NCAM2: variants seen among roughly 807,000 people sequenced by gnomAD.
NCAM2 encodes the protein N-CAM-2.
In NCAM2, 30 loss-of-function variants were observed where a neutral mutation model predicts 98.1. The observed-to-expected ratio is 0.31, with a 90% CI of 0.23 to 0.41. The LOEUF is 0.41. Among genes scored for constraint, NCAM2 ranks in the 10% least tolerant of loss-of-function variants. The pLI, the probability that NCAM2 is intolerant of heterozygous loss-of-function variation, is 1.00. For synonymous variants in NCAM2, 368 were observed against 342.4 expected, an observed-to-expected ratio of 1.07 and a Z score of -0.83; for missense variants, 867 against 1,005.8, an observed-to-expected ratio of 0.86 and a Z score of 1.87.
intron 15 of NCAM2, among the ~76,000 whole-genome samples, chr21:21,480,192 C>G (rs948855914): frequency 3.3e-5 from 5 of 151,858 alleles, no homozygotes; most frequent in African/African-American, 1.2e-4. Context: ...CAGTGAAACC[C>G]CATCTCTACT....
chr21:21,033,816 T>G (rs1404365225), intron 1 of NCAM2, among the ~76,000 whole-genome samples: 1 of 152,096 alleles, frequency 6.6e-6, no homozygotes, highest in Non-Finnish European at 1.5e-5. Flanking sequence ...AAATATAGAT[T>G]TTTCTCTATA....
intron 1 of NCAM2, among the ~76,000 whole-genome samples, chr21:21,074,539 T>A (rs1445890000): frequency 1.3e-5 from 2 of 152,272 alleles, no homozygotes; most frequent in African/African-American, 2.4e-5. Flanking sequence ...TGGAAAGGGA[T>A]CTCCTCTGAC....
At chr21:21,169,726 A>G (rs941145901) in intron 1 of NCAM2, among the ~76,000 whole-genome samples, 2 of 152,178 alleles carry the variant, frequency 1.3e-5, no homozygotes, top group Non-Finnish European at 2.9e-5. Context: ...AGACTGGAGG[A>G]TAACTGGAGC....
intron 8 of NCAM2, among the ~76,000 whole-genome samples, chr21:21,360,754 C>G (rs531839795): frequency 1.9e-4 from 29 of 151,928 alleles, no homozygotes; most frequent in African/African-American, 6.7e-4. Context: ...TCCTCTTTCT[C>G]CACATGCAGT....
intron 1 of NCAM2, among the ~76,000 whole-genome samples, chr21:21,029,494 C>T (rs1176656715): frequency 3.3e-5 from 5 of 151,904 alleles, no homozygotes; most frequent in African/African-American, 4.9e-5. Context: ...AATTTAGGAG[C>T]AGGAGAACTT....
At chr21:21,146,975 C>A in intron 1 of NCAM2, 2 of 628,286 alleles carry the variant, frequency 3.2e-6, no homozygotes, top group Non-Finnish European at 4.0e-6. Context: ...TACTCCGGAA[C>A]TCAGACCGCT....
intron 1 of NCAM2, among the ~76,000 whole-genome samples, chr21:21,019,459 T>G (rs1028888387): frequency 2.6e-5 from 4 of 152,172 alleles, no homozygotes; most frequent in Non-Finnish European, 4.4e-5. Context: ...ATCCACTTGC[T>G]GGATGTGAGG....
At chr21:21,299,130 T>C (rs555655250) in intron 5 of NCAM2, among the ~76,000 whole-genome samples, 1 of 151,848 alleles carries the variant, frequency 6.6e-6, no homozygotes, top group East Asian at 2.0e-4. Flanking sequence ...CCATCTGACA[T>C]TGTGGAGATG....
chr21:21,454,215 C>T (rs1981778094), intron 12 of NCAM2, among the ~76,000 whole-genome samples: 1 of 151,654 alleles, frequency 6.6e-6, no homozygotes, highest in South Asian at 2.1e-4. Context: ...TGTGCCAAGG[C>T]ACTGTTCAAG....
chr21:21,055,431 A>G (rs2065191915), intron 1 of NCAM2, among the ~76,000 whole-genome samples: 1 of 152,110 alleles, frequency 6.6e-6, no homozygotes, highest in Non-Finnish European at 1.5e-5. Context: ...TACATTGACT[A>G]TTCCTTTACT....
intron 1 of NCAM2, among the ~76,000 whole-genome samples, chr21:21,026,836 GTTTTC>G (rs1483561784): frequency 2.1e-5 from 3 of 143,570 alleles, no homozygotes; most frequent in Non-Finnish European, 4.6e-5. Flanking sequence ...CATGGCAAAT[GTTTTC>G]TTTTCTTCTT....
intron 1 of NCAM2, among the ~76,000 whole-genome samples, chr21:21,159,804 A>G (rs947476271): frequency 1.3e-5 from 2 of 151,972 alleles, no homozygotes; most frequent in Non-Finnish European, 1.5e-5. Context: ...TACTGTGTGC[A>G]TATATTGTGT....
chr21:21,114,555 C>A (rs561048111), intron 1 of NCAM2, among the ~76,000 whole-genome samples: 48 of 152,242 alleles, frequency 3.2e-4, no homozygotes, highest in African/African-American at 1.1e-3. Flanking sequence ...GTCATCTTTG[C>A]CAAAAGCTGT....
chr21:21,208,345 T>C (rs1698671641), intron 1 of NCAM2, among the ~76,000 whole-genome samples: 1 of 152,192 alleles, frequency 6.6e-6, no homozygotes, highest in Non-Finnish European at 1.5e-5. Flanking sequence ...TAAATGTCTT[T>C]AGACTAATAA....
intron 11 of NCAM2, among the ~76,000 whole-genome samples, chr21:21,419,305 C>CTT (rs34109924): frequency 7.0e-5 from 7 of 99,924 alleles, no homozygotes; most frequent in African/African-American, 2.3e-4. Flanking sequence ...AAATAGGGAA[C>CTT]TTTTTTTTTT....
chr21:21,270,513 T>C (rs1322291218), intron 1 of NCAM2, among the ~76,000 whole-genome samples: 1 of 152,184 alleles, frequency 6.6e-6, no homozygotes, highest in Non-Finnish European at 1.5e-5. Flanking sequence ...AACGTAATGA[T>C]TTTACTTTTA....
chr21:21,233,431 G>A (rs2070705282), intron 1 of NCAM2, among the ~76,000 whole-genome samples: 1 of 151,416 alleles, frequency 6.6e-6, no homozygotes, highest in Non-Finnish European at 1.5e-5. Flanking sequence ...AAAAATATAT[G>A]TTTCTTAACT....
intron 1 of NCAM2, among the ~76,000 whole-genome samples, chr21:21,272,084 G>A (rs368193829): frequency 2.3e-4 from 35 of 152,296 alleles, no homozygotes; most frequent in African/African-American, 8.4e-4. Context: ...GTCAGGTGAT[G>A]TCCAGATTGT....
At chr21:21,194,995 A>G (rs916560377) in intron 1 of NCAM2, among the ~76,000 whole-genome samples, 1 of 152,174 alleles carries the variant, frequency 6.6e-6, no homozygotes, top group African/African-American at 2.4e-5. Flanking sequence ...TATAAATTAG[A>G]ATATGCAGTG....
Sources: gnomAD v4.1 joint callset for allele counts (sites outside exome capture counted in the v4.1 genomes callset) on GRCh38, gnomAD v4.1.1 for gene constraint, MANE v1.5 for transcripts, NCBI Gene and HGNC (gene_info 2026-07-23, HGNC 2026-07-21) for gene names.